The following NFYC variants were observed in gnomAD, a reference collection of about 807,000 sequenced individuals.
The protein encoded by NFYC is nuclear transcription factor Y subunit gamma, also known as CAAT box DNA-binding protein subunit C.
In NFYC, 25 loss-of-function variants were observed where a neutral mutation model predicts 53.1. The observed-to-expected ratio is 0.47, with a 90% CI of 0.34 to 0.66. The LOEUF is 0.66. Among genes scored for constraint, NFYC ranks in the 30% least tolerant of loss-of-function variants. The pLI is 0.01. For synonymous variants in NFYC, 145 were observed against 152.6 expected (o/e 0.95, Z 0.37); for missense variants, 260 against 422.7 (o/e 0.62, Z 3.38).
rs780959380 is a variant in NFYC, at chr1:40,753,162, C to T, written c.303C>T (p.Ile101=). ...CTTCTTTGTTACAGAGAAATGATAT[C>T]GCCATGGCAATTACAAAATTTGATC... The part of the protein sequence containing the change: ...NKRRTLQRND[I]AMAITKFDQF... Residue 101 remains isoleucine, a synonymous_variant, in exon 5 of 10, where the codon ATC becomes ATT. Coordinates refer to ENST00000447388, the MANE Select transcript of NFYC (RefSeq NM_014223.5). 11 of 1,611,980 alleles carry T rather than the reference C, an allele frequency of 6.8e-6. No homozygotes were observed. In the East Asian group the frequency reaches 1.1e-4, roughly 16 times the overall value.
At chr1:40,699,722 C>A (rs1237594169) in intron 1 of NFYC, among the ~76,000 whole-genome samples, 2 of 152,136 alleles carry the variant, frequency 1.3e-5, no homozygotes, top group African/African-American at 4.8e-5. Context: ...AATACAGTTG[C>A]CTATAGTCTT....
intron 1 of NFYC, among the ~76,000 whole-genome samples, chr1:40,703,480 T>TAAAAAAAAAAAAAAAAAA (rs57102599): frequency 1.0e-4 from 10 of 97,726 alleles, no homozygotes; most frequent in African/African-American, 2.3e-4. Context: ...CAATTAGCCC[T>TAAAAAAAAAAAAAAAAAA]AAAAAAAAAA....
At chr1:40,744,004 G>C (rs574337683) in intron 2 of NFYC, among the ~76,000 whole-genome samples, 1 of 152,158 alleles carries the variant, frequency 6.6e-6, no homozygotes, top group Non-Finnish European at 1.5e-5. Context: ...CTACCCACTA[G>C]AGCAGGGGTC....
In NFYC at chr1:40,754,233, A is replaced by G; in HGVS notation, c.387+987A>G. The G allele has an allele frequency of 3.8e-6, 2 of 529,102 alleles. 1 individual carries two copies. Among genetic ancestry groups the G allele is most frequent in the South Asian group, 2.8e-5 (2 of 71,060 alleles). The allele number at this position is 529,102 out of a possible 1,614,324, so 32.8% of individuals were successfully genotyped here. On this transcript the variant is annotated intron_variant, in intron 5 of 9. Coordinates refer to ENST00000447388, the MANE Select transcript of NFYC (RefSeq NM_014223.5). ...AATAACCAGTCAGAGAAAGTCTAGG[A>G]GAAGTGGGCATCCTAATGAACATTT...
chr1:40,737,143 A>C (rs1374785003), intron 1 of NFYC, among the ~76,000 whole-genome samples: 2 of 151,360 alleles, frequency 1.3e-5, no homozygotes, highest in East Asian at 3.9e-4. Context: ...AAAAAAAAAA[A>C]AAAAAAGTCA....
chr1:40,757,889 G>C (rs575091706), intron 5 of NFYC: 4 of 580,998 alleles, frequency 6.9e-6, no homozygotes, highest in South Asian at 2.0e-5. Context: ...TGATTATTTC[G>C]TACTTCAGAA....
In NFYC at chr1:40,748,433, A is replaced by T. The variant is rs137953001; in HGVS notation, c.177+828A>T. ...GGATTAGGCATGAGCCACCATGCCCAGCTGGTATCTCACAGTTCTGTTCAC... is the reference window on the plus strand; with the variant it reads ...GGATTAGGCATGAGCCACCATGCCCTGCTGGTATCTCACAGTTCTGTTCAC... On this transcript the variant is annotated intron_variant, in intron 3 of 9. Transcript: ENST00000447388. Among the ~76,000 whole-genome samples, 343 of 152,286 alleles carry T rather than the reference A, an allele frequency of 2.3e-3. 1 individual carries two copies. Among genetic ancestry groups the T allele is most frequent in the African/African-American group, 7.8e-3 (326 of 41,564 alleles).
chr1:40,766,576 T>C lies in NFYC; in HGVS notation c.721-20T>C. On this transcript the variant is annotated intron_variant, in intron 7 of 9. Coordinates refer to ENST00000447388, the MANE Select transcript of NFYC (RefSeq NM_014223.5). ...TATACTCAATGTCTTATGGTCTCTT[T>C]GTCTCTGCCCCTGCCCTAGGTGCAG... 2 of 1,591,736 alleles carry C rather than the reference T, an allele frequency of 1.3e-6. No individual in the cohort carries two copies. The highest frequency in any genetic ancestry group is 1.7e-6 in the Non-Finnish European group (2 of 1,163,288).
intron 4 of NFYC, among the ~76,000 whole-genome samples, chr1:40,751,921 G>A (rs770258597): frequency 3.9e-5 from 6 of 152,018 alleles, no homozygotes; most frequent in Admixed American, 3.9e-4. Flanking sequence ...AGGGTTTATC[G>A]TCAAGCTCGT....
chr1:40,701,515 C>G (rs1051354234), intron 1 of NFYC, among the ~76,000 whole-genome samples: 1 of 152,206 alleles, frequency 6.6e-6, no homozygotes, highest in Admixed American at 6.5e-5. Flanking sequence ...CTTTGTCTAT[C>G]TTGGTTTTTA....
At chr1:40,728,749 T>C (rs1434597816) in intron 1 of NFYC, among the ~76,000 whole-genome samples, 1 of 152,056 alleles carries the variant, frequency 6.6e-6, no homozygotes, top group Admixed American at 6.5e-5. Context: ...GCGATTCTCC[T>C]GCCTCAGCCT....
At chr1:40,747,664 G>A in intron 3 of NFYC, 59 bp downstream of exon 3, 1 of 1,120,166 alleles carries the variant, frequency 8.9e-7, no homozygotes, top group Admixed American at 1.8e-5. Context: ...GTAGGTTATT[G>A]CTCATTTCTC....
chr1:40,704,370 C>G (rs1453875024), intron 1 of NFYC, among the ~76,000 whole-genome samples: 1 of 152,188 alleles, frequency 6.6e-6, no homozygotes. Flanking sequence ...AGCGCCCAGC[C>G]TGATTTGAGT....
At chr1:40,698,872 G>A (rs555674615) in intron 1 of NFYC, among the ~76,000 whole-genome samples, 12 of 152,160 alleles carry the variant, frequency 7.9e-5, no homozygotes, top group African/African-American at 2.6e-4. Context: ...TTTAATAAGA[G>A]GAATGAGATG....
chr1:40,708,621 TTTAAA>T (rs1367422224), intron 1 of NFYC, among the ~76,000 whole-genome samples: 1 of 152,226 alleles, frequency 6.6e-6, no homozygotes, highest in Non-Finnish European at 1.5e-5. Flanking sequence ...AATTTTCCTA[TTTAAA>T]TTAGTTTGTG....
At chr1:40,748,473 A>G (rs777372401) in intron 3 of NFYC, among the ~76,000 whole-genome samples, 1 of 152,132 alleles carries the variant, frequency 6.6e-6, no homozygotes, top group Non-Finnish European at 1.5e-5. Flanking sequence ...TAGTATATAC[A>G]TGTATCATCA....
intron 2 of NFYC, among the ~76,000 whole-genome samples, chr1:40,739,634 A>C (rs150530650): frequency 1.6e-4 from 24 of 152,316 alleles, no homozygotes; most frequent in African/African-American, 5.8e-4. Flanking sequence ...AGAATAATTA[A>C]ATATAACCTC....
chr1:40,715,055 G>C (rs2148467980), intron 1 of NFYC, among the ~76,000 whole-genome samples: 1 of 150,606 alleles, frequency 6.6e-6, no homozygotes, highest in East Asian at 2.0e-4. Context: ...ACTCCAGCCT[G>C]TGCAACAAAT....
chr1:40,721,816 G>C (rs559829172), intron 1 of NFYC: 1 of 152,224 alleles, frequency 6.6e-6, no homozygotes, highest in Admixed American at 6.5e-5. Flanking sequence ...TCCTGCTTTG[G>C]CTTCCCAAAG....
Sources: allele counts gnomAD v4.1 joint callset (sites outside exome capture counted in the v4.1 genomes callset), GRCh38; gene constraint gnomAD v4.1.1; transcripts MANE v1.5; gene names NCBI Gene and HGNC (gene_info 2026-07-23, HGNC 2026-07-21).